The following BNC2 variants were observed in gnomAD, a reference collection of about 807,000 sequenced individuals.
BNC2 encodes basonuclin zinc finger protein 2, also known as zinc finger protein basonuclin-2.
BNC2 carries 20 observed loss-of-function variants against 76.3 expected under a neutral mutation model. The observed-to-expected ratio is 0.26, with a 90% CI of 0.18 to 0.38. The LOEUF (loss-of-function observed/expected upper bound fraction) is 0.38. Among genes scored for constraint, BNC2 ranks in the 10% least tolerant of loss-of-function variants. The pLI is 1.00. For synonymous variants in BNC2, 582 were observed against 514.8 expected, an observed-to-expected ratio of 1.13 and a Z score of -1.77; for missense variants, 1,382 against 1,399.8, an observed-to-expected ratio of 0.99 and a Z score of 0.20.
chr9:16,793,860 G>GTTTTTTTTT lies in BNC2; in HGVS notation c.4-55376_4-55375insAAAAAAAAA, dbSNP rs377349585. Among the ~76,000 whole-genome samples the GTTTTTTTTT allele has an allele frequency of 2.5e-4, 24 of 97,330 alleles. 5 individuals are homozygous for GTTTTTTTTT. The highest frequency in any genetic ancestry group is 3.9e-4 in the Non-Finnish European group (20 of 51,740). The allele number at this position is 97,330 out of a possible 152,430, so 63.9% of individuals were successfully genotyped here. Reference sequence around the variant, plus strand: ...CTAGTTTTTGTTTTTTGTGGTTTTTGTTTTTTTGTTTTTTTTTTTTTTTAG... The same window carrying GTTTTTTTTT: ...CTAGTTTTTGTTTTTTGTGGTTTTTGTTTTTTTTTTTTTTTTGTTTTTTTTTTTTTTTAG... On this transcript the variant is annotated intron_variant, in intron 1 of 6. Transcript: ENST00000380672.
intron 1 of BNC2, among the ~76,000 whole-genome samples, chr9:16,834,109 T>C (rs893730590): frequency 1.3e-5 from 2 of 152,128 alleles, no homozygotes; most frequent in African/African-American, 4.8e-5. Flanking sequence ...GTCACTGCTT[T>C]GTATTTTTGG....
intron 4 of BNC2, among the ~76,000 whole-genome samples, chr9:16,566,295 A>G (rs1029220888): frequency 2.6e-5 from 4 of 152,230 alleles, no homozygotes; most frequent in African/African-American, 2.4e-5. Context: ...TTAAGTGTAT[A>G]TAATAGAATA....
intron 3 of BNC2, among the ~76,000 whole-genome samples, chr9:16,718,571 T>C (rs907700830): frequency 2.0e-5 from 3 of 152,168 alleles, no homozygotes; most frequent in African/African-American, 7.2e-5. Context: ...GCAATTCTAA[T>C]TTATCTGAAG....
rs755965243 is a variant in BNC2 at position 16,665,490 on chromosome 9, G to GAAAGAA, written c.330+62306_330+62307insTTCTTT. Among the ~76,000 whole-genome samples the GAAAGAA allele has an allele frequency of 1.4e-3, 197 of 137,920 alleles. 1 individual carries two copies. The highest frequency in any genetic ancestry group is 8.1e-3 in the East Asian group (32 of 3,968). 90.5% of individuals were successfully genotyped at this position (137,920 alleles called of 152,430 possible). On this transcript the variant is annotated intron_variant, in intron 3 of 6. Transcript: ENST00000380672. ...AGAAAGAAAGAAAGAAAGAAAGAAA[G>GAAAGAA]AGAGAGAGAGAAATCACAGCAAATT...
At chr9:16,753,398 A>T (rs2135302276) in intron 1 of BNC2, among the ~76,000 whole-genome samples, 1 of 152,354 alleles carries the variant, frequency 6.6e-6, no homozygotes, top group South Asian at 2.1e-4. Context: ...AGTATGCAGA[A>T]GTCAACATTT....
In BNC2 at chr9:16,830,159, A is replaced by G. The variant is rs1818548822; in HGVS notation, c.3+40487T>C. Reference sequence around the variant, plus strand: ...AAAAACTCCACACAATTATATTTCAATAAAATATCTAACGGTTTTCCAACA... The same window carrying G: ...AAAAACTCCACACAATTATATTTCAGTAAAATATCTAACGGTTTTCCAACA... On this transcript the variant is annotated intron_variant, in intron 1 of 6. Coordinates refer to ENST00000380672, the MANE Select transcript of BNC2 (RefSeq NM_017637.6). Among the ~76,000 whole-genome samples the G allele has an allele frequency of 2.6e-5, 4 of 152,256 alleles. 1 individual carries two copies. The South Asian group carries it at 8.3e-4, about 31-fold the overall frequency.
chr9:16,596,754 G>C (rs576024354), intron 3 of BNC2, among the ~76,000 whole-genome samples: 1 of 152,134 alleles, frequency 6.6e-6, no homozygotes, highest in East Asian at 1.9e-4. Flanking sequence ...AGAGAAACAG[G>C]AGCCTTTACC....
intron 3 of BNC2, among the ~76,000 whole-genome samples, chr9:16,660,558 C>G (rs1426160422): frequency 1.3e-5 from 2 of 151,850 alleles, no homozygotes; most frequent in East Asian, 1.9e-4. Context: ...TCCAATAGCA[C>G]GGACTATAAT....
At chr9:16,537,231 C>T (rs1282390180) in intron 5 of BNC2, among the ~76,000 whole-genome samples, 1 of 152,116 alleles carries the variant, frequency 6.6e-6, no homozygotes, top group Non-Finnish European at 1.5e-5. Flanking sequence ...AAAGTGAATA[C>T]ACCTCTTTAG....
chr9:16,703,069 T>C (rs925747112), intron 3 of BNC2, among the ~76,000 whole-genome samples: 18 of 152,264 alleles, frequency 1.2e-4, no homozygotes, highest in African/African-American at 4.1e-4. Context: ...GAAATTTTCT[T>C]ATTAGAGAGA....
intron 3 of BNC2, among the ~76,000 whole-genome samples, chr9:16,687,099 G>C (rs1377165275): frequency 6.6e-6 from 1 of 152,042 alleles, no homozygotes; most frequent in East Asian, 1.9e-4. Context: ...CTTAGAGTAG[G>C]TAAATAACTA....
chr9:16,465,109 C>T (rs913151500), intron 5 of BNC2, among the ~76,000 whole-genome samples: 1 of 152,158 alleles, frequency 6.6e-6, no homozygotes, highest in Non-Finnish European at 1.5e-5. Flanking sequence ...GCACACAGTG[C>T]CACTCTGGTA....
At chr9:16,657,484 C>A (rs1821963443) in intron 3 of BNC2, among the ~76,000 whole-genome samples, 1 of 152,140 alleles carries the variant, frequency 6.6e-6, no homozygotes, top group Non-Finnish European at 1.5e-5. Context: ...AGAAGCTAGA[C>A]TGTGGGAGGC....
chr9:16,533,651 C>T (rs1818048060), intron 5 of BNC2, among the ~76,000 whole-genome samples: 1 of 152,128 alleles, frequency 6.6e-6, no homozygotes, highest in Non-Finnish European at 1.5e-5. Flanking sequence ...TTTCATGGTA[C>T]ATCCACAAAC....
chr9:16,583,943 G>A (rs7851251), intron 3 of BNC2, among the ~76,000 whole-genome samples: 3,983 of 152,200 alleles, frequency 0.026, 168 homozygotes, highest in African/African-American at 0.092. Flanking sequence ...TAGAAAATTA[G>A]CATAAATGGA....
intron 1 of BNC2, among the ~76,000 whole-genome samples, chr9:16,772,641 A>C (rs951082649): frequency 6.6e-6 from 1 of 152,168 alleles, no homozygotes; most frequent in African/African-American, 2.4e-5. Flanking sequence ...TTGATCACAA[A>C]TCCATTTTGA....
intron 3 of BNC2, among the ~76,000 whole-genome samples, chr9:16,705,682 T>C (rs1238278787): frequency 2.0e-5 from 3 of 152,198 alleles, no homozygotes; most frequent in Non-Finnish European, 4.4e-5. Flanking sequence ...TTTGTTTGTT[T>C]TGGACTTTTT....
At chr9:16,727,677 AGG>A in intron 3 of BNC2, 118 bp downstream of exon 3, 1 of 819,842 alleles carries the variant, frequency 1.2e-6, no homozygotes, top group Non-Finnish European at 1.9e-6. Flanking sequence ...GAGCCTAACT[AGG>A]AAGTGACCAC....
At chr9:16,624,460 T>C (rs1243316122) in intron 3 of BNC2, among the ~76,000 whole-genome samples, 1 of 152,200 alleles carries the variant, frequency 6.6e-6, no homozygotes, top group Admixed American at 6.5e-5. Context: ...ATTAGTATCA[T>C]TAATATTATA....
Sources: allele counts gnomAD v4.1 joint callset (sites outside exome capture counted in the v4.1 genomes callset), GRCh38; gene constraint gnomAD v4.1.1; transcripts MANE v1.5; gene names NCBI Gene and HGNC (gene_info 2026-07-23, HGNC 2026-07-21).